Variants in RPL36A observed in about 807,000 individuals in gnomAD.
RPL36A encodes the protein ribosomal protein L36a, also known as large ribosomal subunit protein eL42.
For synonymous variants in RPL36A, 25 were observed against 28.5 expected, an observed-to-expected ratio of 0.88 and a Z score of 0.39; for missense variants, 20 against 81.0, an observed-to-expected ratio of 0.25 and a Z score of 2.89.
intron 3 of RPL36A, chrX:101,392,701 A>G (rs1221717432): frequency 6.2e-6 from 4 of 643,410 alleles, no homozygotes; most frequent in Admixed American, 8.9e-5. Context: ...ACTGCTGGGT[A>G]TATACCCAGA....
intron 3 of RPL36A, 42 bp from the exon 4 acceptor site, chrX:101,395,293 T>C: frequency 8.8e-7 from 1 of 1,140,761 alleles, no homozygotes; most frequent in Non-Finnish European, 1.2e-6. Flanking sequence ...AAAGTGATCT[T>C]CTGTAGTTAT....
intron 3 of RPL36A, chrX:101,393,523 A>G (rs912016946): frequency 4.4e-5 from 5 of 112,554 alleles, no homozygotes; most frequent in Non-Finnish European, 9.4e-5. Flanking sequence ...AAAAAATGCA[A>G]TAAAACTTTA....
At chrX:101,391,884 C>G in intron 3 of RPL36A, 62 bp downstream of exon 3, 6 of 1,195,254 alleles carry the variant, frequency 5.0e-6, no homozygotes, top group Non-Finnish European at 6.8e-6. Context: ...GCACTTGTCT[C>G]TAGTCCACAC....
intron 3 of RPL36A, chrX:101,392,310 G>C: frequency 1.2e-6 from 1 of 868,029 alleles, no homozygotes; most frequent in Non-Finnish European, 1.4e-6. Context: ...CAGGCTGAGC[G>C]AGTTTCTGTT....
intron 1 of RPL36A, 70 bp downstream of exon 1, chrX:101,391,116 G>T (rs1927781351): frequency 6.3e-6 from 7 of 1,103,202 alleles, no homozygotes; most frequent in Admixed American, 2.2e-5. Context: ...CCCGTGCTAT[G>T]CCGGGATGGG....
At chrX:101,391,361 G>T in intron 1 of RPL36A, 98 bp from the exon 2 acceptor site, 1 of 1,008,680 alleles carries the variant, frequency 9.9e-7, no homozygotes, top group Non-Finnish European at 1.4e-6. Context: ...AAGTAATGAG[G>T]AGTCCTCCTG....
At chrX:101,392,552 T>C in intron 3 of RPL36A, 13 of 754,724 alleles carry the variant, frequency 1.7e-5, no homozygotes, top group Non-Finnish European at 2.0e-5. Context: ...GGATAACTTG[T>C]TTAGAAGACA....
chrX:101,392,057 A>C (rs1927829262), intron 3 of RPL36A: 1 of 1,151,969 alleles, frequency 8.7e-7, no homozygotes. Flanking sequence ...AAGAGGCAAA[A>C]AATTGAGGAA....
At chrX:101,394,728 TATATA>T (rs1324396028) in intron 3 of RPL36A, among the ~76,000 whole-genome samples, 1 of 101,359 alleles carries the variant, frequency 9.9e-6, no homozygotes, top group African/African-American at 3.5e-5. Flanking sequence ...ATTTATATAT[TATATA>T]TTATATATAT....
At chrX:101,391,071 G>A in intron 1 of RPL36A, 25 bp downstream of exon 1, 4 of 1,198,009 alleles carry the variant, frequency 3.3e-6, no homozygotes, top group Non-Finnish European at 4.5e-6. Flanking sequence ...TGGGGGCCGA[G>A]TAACATCCAG....
At chrX:101,394,816 T>TGTCA (rs1569301578) in intron 3 of RPL36A, among the ~76,000 whole-genome samples, 6 of 88,272 alleles carry the variant, frequency 6.8e-5, no homozygotes, top group African/African-American at 2.6e-4. Context: ...TGAGATGGAG[T>TGTCA]CTCTGTTTCC....
intron 3 of RPL36A, among the ~76,000 whole-genome samples, chrX:101,394,322 CAAAA>C (rs79559035): frequency 5.6e-4 from 32 of 57,088 alleles, no homozygotes; most frequent in South Asian, 1.6e-3. Flanking sequence ...AACTCCATCT[CAAAA>C]AAAAAAAAAA....
At chrX:101,395,686 TC>T in intron 4 of RPL36A, 41 bp from the exon 5 acceptor site, 1 of 1,202,052 alleles carries the variant, frequency 8.3e-7, no homozygotes, top group Non-Finnish European at 1.1e-6. Flanking sequence ...GGGCAGTAGT[TC>T]ATGGCAAAAT....
chrX:101,391,598 T>G, intron 2 of RPL36A, 34 bp downstream of exon 2: 3 of 1,205,362 alleles, frequency 2.5e-6, no homozygotes, highest in Non-Finnish European at 3.4e-6. Context: ...GGTGTTAATG[T>G]GACATTTGTG....
chrX:101,391,616 A>G (rs1927806645), intron 2 of RPL36A, 52 bp downstream of exon 2: 1 of 1,196,105 alleles, frequency 8.4e-7, no homozygotes, highest in Non-Finnish European at 1.1e-6. Context: ...GTGTTGTAGA[A>G]TAACATACGA....
chrX:101,391,053 C>G lies in RPL36A; in HGVS notation c.3+7C>G. 7 of 1,209,986 alleles carry G rather than the reference C, an allele frequency of 5.8e-6. No individual in the cohort carries two copies. The highest frequency in any genetic ancestry group is 7.8e-6 in the Non-Finnish European group (7 of 893,436). On this transcript the variant is annotated splice_region_variant and intron_variant, in intron 1 of 4. Coordinates refer to ENST00000553110, the MANE Select transcript of RPL36A (RefSeq NM_021029.6). Reference sequence around the variant, plus strand: ...TAGCGCTCACGCAAGCATGGTAGGACTTGCTGGTGGGGGCCGAGTAACATC... The same window carrying G: ...TAGCGCTCACGCAAGCATGGTAGGAGTTGCTGGTGGGGGCCGAGTAACATC...
intron 1 of RPL36A, 66 bp downstream of exon 1, chrX:101,391,112 C>G: frequency 8.9e-7 from 1 of 1,128,050 alleles, no homozygotes; most frequent in Non-Finnish European, 1.2e-6. Context: ...GTCGCCCGTG[C>G]TATGCCGGGA....
At chrX:101,392,410 T>G in intron 3 of RPL36A, 1 of 793,820 alleles carries the variant, frequency 1.3e-6, no homozygotes, top group Non-Finnish European at 1.5e-6. Context: ...AGCATTTCTT[T>G]TGGCACTTTG....
At chrX:101,391,927 G>T (rs781925916) in intron 3 of RPL36A, 105 bp downstream of exon 3, 2 of 1,190,019 alleles carry the variant, frequency 1.7e-6, no homozygotes, top group Non-Finnish European at 1.1e-6. Flanking sequence ...TTAGTTTAGC[G>T]AAGTTTTCAC....
Sources: gnomAD v4.1 joint callset for allele counts (sites outside exome capture counted in the v4.1 genomes callset) on GRCh38, gnomAD v4.1.1 for gene constraint, MANE v1.5 for transcripts, NCBI Gene and HGNC (gene_info 2026-07-23, HGNC 2026-07-21) for gene names.